FMN1: variants seen among roughly 807,000 people sequenced by gnomAD.
FMN1 encodes the protein formin 1, also known as formin-1.
In FMN1, 110 loss-of-function variants were observed where a neutral mutation model predicts 132.4. That is an observed-to-expected ratio of 0.83 (90% CI 0.71 to 0.97). FMN1 has a LOEUF of 0.97. Among genes scored for constraint, FMN1 ranks in the 50% least tolerant of loss-of-function variants. FMN1 has a pLI of 0.00. For synonymous variants in FMN1, 722 were observed against 651.7 expected (o/e 1.11, Z -1.64); for missense variants, 1,792 against 1,705.3 (o/e 1.05, Z -0.90).
At chr15:33,074,379 T>A (rs539755231) in intron 5 of FMN1, among the ~76,000 whole-genome samples, 2 of 152,334 alleles carry the variant, frequency 1.3e-5, no homozygotes, top group Admixed American at 1.3e-4. Flanking sequence ...CCTCTGCCAA[T>A]GCAACGCTTA....
chr15:33,003,769 C>T (rs2034252337), intron 7 of FMN1, among the ~76,000 whole-genome samples: 1 of 152,238 alleles, frequency 6.6e-6, no homozygotes, highest in South Asian at 2.1e-4. Flanking sequence ...AAGCTGGAGG[C>T]ATCACACTAC....
At chr15:33,040,619 T>C (rs1440909049) in intron 6 of FMN1, among the ~76,000 whole-genome samples, 2 of 152,346 alleles carry the variant, frequency 1.3e-5, no homozygotes, top group East Asian at 1.9e-4. Context: ...CTGGGAGCAA[T>C]GGTGACTCTG....
chr15:32,991,255 T>G (rs190467277), intron 7 of FMN1, among the ~76,000 whole-genome samples: 1 of 152,180 alleles, frequency 6.6e-6, no homozygotes, highest in Non-Finnish European at 1.5e-5. Flanking sequence ...TTTCGCTGTC[T>G]TCTACATTCT....
intron 5 of FMN1, among the ~76,000 whole-genome samples, chr15:33,077,367 ATAT>A (rs1302413663): frequency 5.3e-5 from 5 of 94,376 alleles, no homozygotes; most frequent in African/African-American, 1.6e-4. Context: ...ATATATATAT[ATAT>A]TTTTTTTATT....
At chr15:33,045,936 G>T (rs1195013628) in intron 6 of FMN1, among the ~76,000 whole-genome samples, 1 of 152,178 alleles carries the variant, frequency 6.6e-6, no homozygotes, top group Non-Finnish European at 1.5e-5. Context: ...TGGGATTACA[G>T]GCGTGAGCCA....
chr15:32,865,369 C>CT (rs1362440693), intron 16 of FMN1, among the ~76,000 whole-genome samples: 1 of 152,248 alleles, frequency 6.6e-6, no homozygotes, highest in East Asian at 1.9e-4. Flanking sequence ...ATCTGTACTT[C>CT]TTTATATAAG....
intron 10 of FMN1, among the ~76,000 whole-genome samples, chr15:32,921,788 G>C (rs1324962760): frequency 1.3e-5 from 2 of 150,886 alleles, no homozygotes; most frequent in African/African-American, 4.9e-5. Context: ...TCCCACCTCA[G>C]CCTCCCAAGT....
intron 9 of FMN1, among the ~76,000 whole-genome samples, chr15:32,955,835 G>A (rs748180618): frequency 2.6e-5 from 4 of 151,984 alleles, no homozygotes; most frequent in South Asian, 2.1e-4. Context: ...GTGCGTGCGC[G>A]CACGTGTCTG....
intron 9 of FMN1, among the ~76,000 whole-genome samples, chr15:32,947,142 C>T (rs1030405944): frequency 3.3e-5 from 5 of 152,052 alleles, no homozygotes; most frequent in Non-Finnish European, 7.4e-5. Context: ...ATATTATTTT[C>T]AAAAATTATT....
intron 6 of FMN1, among the ~76,000 whole-genome samples, chr15:33,052,714 A>G (rs1399579305): frequency 6.6e-6 from 1 of 152,182 alleles, no homozygotes; most frequent in Non-Finnish European, 1.5e-5. Context: ...TAAAGCCTGA[A>G]AGCCAAGCTG....
At chr15:32,796,799 T>G (rs1271214046) in intron 19 of FMN1, among the ~76,000 whole-genome samples, 1 of 152,248 alleles carries the variant, frequency 6.6e-6, no homozygotes, top group Admixed American at 6.5e-5. Context: ...CATAATGTGC[T>G]AATATTTCTT....
chr15:32,888,356 A>G, intron 15 of FMN1, 64 bp from the exon 16 acceptor site: 2 of 1,446,806 alleles, frequency 1.4e-6, no homozygotes, highest in South Asian at 2.9e-5. Flanking sequence ...TTGAAATTCC[A>G]AAGCATCAAT....
intron 17 of FMN1, among the ~76,000 whole-genome samples, chr15:32,837,515 G>A (rs1214175541): frequency 6.6e-6 from 1 of 152,140 alleles, no homozygotes; most frequent in Non-Finnish European, 1.5e-5. Flanking sequence ...AAGGCAAGGG[G>A]TTCATGGACT....
At chr15:33,097,371 T>C (rs762140442) in intron 4 of FMN1, among the ~76,000 whole-genome samples, 4 of 151,006 alleles carry the variant, frequency 2.6e-5, no homozygotes, top group Admixed American at 6.6e-5. Context: ...AAAGAAGTAT[T>C]GGCTTCAATT....
At chr15:33,072,318 C>T (rs775657641) in intron 5 of FMN1, among the ~76,000 whole-genome samples, 6 of 152,098 alleles carry the variant, frequency 3.9e-5, no homozygotes, top group Non-Finnish European at 5.9e-5. Context: ...TCAACTTTTC[C>T]TGTAAGTGGA....
intron 7 of FMN1, among the ~76,000 whole-genome samples, chr15:32,991,438 C>T (rs2033428125): frequency 6.6e-6 from 1 of 152,148 alleles, no homozygotes; most frequent in African/African-American, 2.4e-5. Context: ...CCTACATGAT[C>T]TAAACAACAC....
intron 4 of FMN1, among the ~76,000 whole-genome samples, chr15:33,138,612 A>C (rs1232526118): frequency 1.3e-5 from 2 of 152,072 alleles, no homozygotes; most frequent in East Asian, 1.9e-4. Flanking sequence ...GGAAGTGAGG[A>C]TACTATTGCT....
At position 32,773,555 on chromosome 15, in the gene FMN1, G is replaced by A. The variant is rs1266144326; in HGVS notation, c.*755C>T. The A allele has an allele frequency of 2.0e-5, 3 of 152,148 alleles. No individual in the cohort carries two copies. The highest frequency in any genetic ancestry group is 2.9e-5 in the Non-Finnish European group (2 of 68,062). 9.4% of individuals were successfully genotyped at this position (152,148 alleles called of 1,614,324 possible). Reference sequence around the variant, plus strand: ...CTGGGAGTTGGGGTGCAGAATCTCTGCTGGCCCAGAAAAACCACAAAGGAC... The same window carrying A: ...CTGGGAGTTGGGGTGCAGAATCTCTACTGGCCCAGAAAAACCACAAAGGAC... On this transcript the variant is annotated 3_prime_UTR_variant, in exon 21 of 21. Coordinates refer to ENST00000616417, the MANE Select transcript of FMN1 (RefSeq NM_001277313.2).
chr15:32,904,939 A>G (rs2060385076), intron 12 of FMN1, among the ~76,000 whole-genome samples: 1 of 152,192 alleles, frequency 6.6e-6, no homozygotes, highest in African/African-American at 2.4e-5. Context: ...AATATTCCCA[A>G]GCATGGGATC....
Sources: gnomAD v4.1 joint callset for allele counts (sites outside exome capture counted in the v4.1 genomes callset) on GRCh38, gnomAD v4.1.1 for gene constraint, MANE v1.5 for transcripts, NCBI Gene and HGNC (gene_info 2026-07-23, HGNC 2026-07-21) for gene names.